The following PDK1 variants were observed in gnomAD, a reference collection of about 807,000 sequenced individuals.
PDK1 encodes the protein pyruvate dehydrogenase kinase 1.
A neutral mutation model predicts 54.2 loss-of-function variants in PDK1; 39 were observed. The observed-to-expected ratio is 0.72, with a 90% CI of 0.56 to 0.94. The LOEUF is 0.94. Ranked by LOEUF, PDK1 falls within the 40% of genes least tolerant of loss-of-function variation. The pLI is 0.00. For synonymous variants in PDK1, 221 were observed against 207.1 expected (o/e 1.07, Z -0.58); for missense variants, 552 against 566.0 (o/e 0.98, Z 0.25).
At chr2:172,591,092 A>G (rs1172270735) in intron 9 of PDK1, among the ~76,000 whole-genome samples, 1 of 152,192 alleles carries the variant, frequency 6.6e-6, no homozygotes, top group Non-Finnish European at 1.5e-5. Flanking sequence ...GGTCCTTGAT[A>G]GAAGTTGTTA....
At chr2:172,628,872 A>G in the PDK1 span, among the ~76,000 whole-genome samples, 2 of 152,164 alleles carry the variant, frequency 1.3e-5, no homozygotes, top group Admixed American at 6.5e-5. Flanking sequence ...TAATCCCAGC[A>G]CTTTGGGAGA....
chr2:172,568,327 C>CAAAAAAAAAAAA (rs11400625), intron 6 of PDK1, among the ~76,000 whole-genome samples: 1 of 57,108 alleles, frequency 1.8e-5, no homozygotes, highest in Non-Finnish European at 3.5e-5. Context: ...GACTCCGTCT[C>CAAAAAAAAAAAA]AAAAAAAAAA....
intron 8 of PDK1, among the ~76,000 whole-genome samples, chr2:172,572,089 C>T (rs1268280890): frequency 3.3e-5 from 5 of 152,076 alleles, no homozygotes; most frequent in South Asian, 2.1e-4. Flanking sequence ...CTCGGCCTCC[C>T]GAAGTGCTGG....
At chr2:172,622,701 CTCATATATTATGTGAGATATGT>C in the PDK1 span, among the ~76,000 whole-genome samples, 12,934 of 143,924 alleles carry the variant, frequency 0.09, 779 homozygotes, top group Non-Finnish European at 0.12. Context: ...ATGTTTATAT[CTCATATATTATGTGAGATATGT>C]TTATATCTCA....
chr2:172,643,414 C>G, the PDK1 span, among the ~76,000 whole-genome samples: 1 of 152,230 alleles, frequency 6.6e-6, no homozygotes, highest in Non-Finnish European at 1.5e-5. Context: ...CGATCTGCAG[C>G]AGTGGGGTGT....
the PDK1 span, among the ~76,000 whole-genome samples, chr2:172,654,541 A>G: frequency 6.8e-6 from 1 of 146,880 alleles, no homozygotes. Context: ...GTTCTCACTC[A>G]TAGGTGGGAA....
the PDK1 span, among the ~76,000 whole-genome samples, chr2:172,679,295 A>G: frequency 6.6e-6 from 1 of 152,002 alleles, no homozygotes. Context: ...TTTTTTTTAA[A>G]GATTGGTCAG....
intron 2 of PDK1, 77 bp downstream of exon 2, chr2:172,558,926 A>C: frequency 7.6e-7 from 1 of 1,320,016 alleles, no homozygotes. Flanking sequence ...GCTTTTTTTT[A>C]CTCTTTGGTG....
At chr2:172,709,652 A>C in the PDK1 span, among the ~76,000 whole-genome samples, 1 of 152,254 alleles carries the variant, frequency 6.6e-6, no homozygotes, top group Non-Finnish European at 1.5e-5. Context: ...ACCCAACGGC[A>C]CAATTCAAAT....
the PDK1 span, among the ~76,000 whole-genome samples, chr2:172,686,286 C>T: frequency 3.3e-5 from 5 of 152,146 alleles, no homozygotes; most frequent in Non-Finnish European, 7.3e-5. Flanking sequence ...TGGGTCAAGG[C>T]GGGGACTTGG....
intron 2 of PDK1, among the ~76,000 whole-genome samples, chr2:172,560,741 G>C (rs1156529261): frequency 6.6e-6 from 1 of 152,216 alleles, no homozygotes; most frequent in Non-Finnish European, 1.5e-5. Context: ...TGTAGAAAAA[G>C]TGTGATCTCT....
chr2:172,669,846 G>C, the PDK1 span, among the ~76,000 whole-genome samples: 1 of 152,060 alleles, frequency 6.6e-6, no homozygotes, highest in Non-Finnish European at 1.5e-5. Flanking sequence ...TTTAAAATTG[G>C]AGTCTTTGTT....
At chr2:172,645,000 G>A in the PDK1 span, among the ~76,000 whole-genome samples, 17 of 152,110 alleles carry the variant, frequency 1.1e-4, no homozygotes, top group Non-Finnish European at 2.5e-4. Context: ...ACATAGGCTT[G>A]TTGTGAGGAT....
chr2:172,692,857 G>A, the PDK1 span, among the ~76,000 whole-genome samples: 1 of 152,182 alleles, frequency 6.6e-6, no homozygotes, highest in Admixed American at 6.5e-5. Context: ...GGATAATCAG[G>A]TTATGTAACT....
chr2:172,603,041 A>C lies in PDK1; in HGVS notation c.*7072A>C, dbSNP rs1691166863. 6.6e-6 allele frequency: 1 copy of C among 152,222 alleles called. No individual in the cohort carries two copies. The highest frequency in any genetic ancestry group is 6.5e-5 in the Admixed American group (1 of 15,280). The allele number at this position is 152,222 out of a possible 1,614,324, so 9.4% of individuals were successfully genotyped here. A position where few individuals can be genotyped will look rare whatever the true frequency, so the allele number is the denominator to read the frequency against. ...TGCTCCTGATGCGAATCACCTGGAG[A>C]TCTTGAGCAAATGCAGACTGGTTCA... On this transcript the variant is annotated 3_prime_UTR_variant, in exon 11 of 11. Transcript: ENST00000282077.
chr2:172,592,752 C>T (rs938590833), intron 9 of PDK1, among the ~76,000 whole-genome samples, 183 bp from the exon 10 acceptor site: 2 of 152,124 alleles, frequency 1.3e-5, no homozygotes, highest in Admixed American at 1.3e-4. Context: ...TCAGCTGATA[C>T]AGTACTCAAG....
In PDK1 at chr2:172,564,618, A is replaced by AATG. The variant is rs769965335; in HGVS notation, c.527_529dup (p.Asn176_Val177insAsp). ...TGGGGTGGATCCTGTCACCAGCCAG[A>AATG]ATGTTCAGTACTTTTTGGATCGATT... On this transcript the variant is annotated inframe_insertion, in exon 4 of 11. Transcript: ENST00000282077. The AATG allele has an allele frequency of 2.5e-6, 4 of 1,614,144 alleles. No homozygotes were observed. In the South Asian group the frequency reaches 4.4e-5, roughly 18 times the overall value.
chr2:172,612,763 G>A (rs1343634446), downstream of PDK1, among the ~76,000 whole-genome samples: 2 of 152,064 alleles, frequency 1.3e-5, no homozygotes, highest in Non-Finnish European at 2.9e-5. Context: ...TGCCTCCTGG[G>A]TTCAAGCATT....
chr2:172,558,621 T>A, intron 1 of PDK1, 87 bp from the exon 2 acceptor site: 1 of 1,222,224 alleles, frequency 8.2e-7, no homozygotes, highest in Non-Finnish European at 1.1e-6. Context: ...CCTTGCCGGA[T>A]AACTTCCTCT....
Sources: gnomAD v4.1 joint callset for allele counts (sites outside exome capture counted in the v4.1 genomes callset) on GRCh38, gnomAD v4.1.1 for gene constraint, MANE v1.5 for transcripts, NCBI Gene and HGNC (gene_info 2026-07-23, HGNC 2026-07-21) for gene names.